Variants in TTC38 observed in about 807,000 individuals in gnomAD.
TTC38 encodes tetratricopeptide repeat domain 38, also known as tetratricopeptide repeat protein 38.
TTC38 carries 64 observed loss-of-function variants against 64.2 expected under a neutral mutation model. That is an observed-to-expected ratio of 1.00 (90% CI 0.81 to 1.23). The LOEUF (loss-of-function observed/expected upper bound fraction) is 1.23, where lower values mean the gene tolerates loss of function less well. Ranked by LOEUF, TTC38 falls within the 50% of genes most tolerant of loss-of-function variation. TTC38 has a pLI of 0.00. For synonymous variants in TTC38, 254 were observed against 249.3 expected (o/e 1.02, Z -0.18); for missense variants, 573 against 615.5 (o/e 0.93, Z 0.73).
intron 2 of TTC38, among the ~76,000 whole-genome samples, chr22:46,269,853 C>T (rs1170311397): frequency 6.6e-5 from 10 of 152,204 alleles, no homozygotes; most frequent in Admixed American, 6.5e-5. Flanking sequence ...AGTGCAATGG[C>T]GCAGTCTTGA....
intron 10 of TTC38, 98 bp downstream of exon 10, chr22:46,287,252 G>T: frequency 9.2e-7 from 1 of 1,081,540 alleles, no homozygotes; most frequent in Non-Finnish European, 1.3e-6. Flanking sequence ...AAGAGCTCAT[G>T]GGTGAGCCGC....
At position 46,289,883 on chromosome 22, in the gene TTC38, C is replaced by T; in HGVS notation, c.1300C>T (p.His434Tyr). Reference sequence around the variant, plus strand: ...GGCCTTAAACTGCACCTCCAGCGTCCATAAGAACGTAGCCCGGTGAGCTCC... The same window carrying T: ...GGCCTTAAACTGCACCTCCAGCGTCTATAAGAACGTAGCCCGGTGAGCTCC... The part of the protein sequence containing the change: ...HAALNCTSSV[H>Y]KNVARSLLME... The change falls in exon 13 of 14, where the codon CAT becomes TAT. Residue 434 changes from histidine to tyrosine, a missense_variant. Physicochemically the swap from His to Tyr is moderately conservative, Grantham distance 83. Transcript: ENST00000381031. 1 of 1,614,180 alleles carries T rather than the reference C, an allele frequency of 6.2e-7. No homozygotes were observed. The highest frequency in any genetic ancestry group is 1.3e-5 in the African/African-American group (1 of 75,050).
chr22:46,268,657 G>A (rs1298970460), intron 2 of TTC38, 66 bp downstream of exon 2: 2 of 1,483,154 alleles, frequency 1.3e-6, no homozygotes, highest in African/African-American at 1.4e-5. Flanking sequence ...TTTAATTGGG[G>A]AAAGCTGTTT....
At chr22:46,287,608 G>A (rs562013147) in intron 10 of TTC38, among the ~76,000 whole-genome samples, 32 of 152,350 alleles carry the variant, frequency 2.1e-4, no homozygotes, top group African/African-American at 7.7e-4. Context: ...ACCAACCACA[G>A]CTCTGGGGGC....
intron 6 of TTC38, chr22:46,280,102 A>G: frequency 2.1e-6 from 1 of 470,976 alleles, no homozygotes; most frequent in South Asian, 1.5e-5. Context: ...CCAGCACCCC[A>G]CAGACAACTA....
Position 46,271,301 on chromosome 22 carries a change from C to T in TTC38, c.112-1034C>T, listed in dbSNP as rs573229373. Among the ~76,000 whole-genome samples the T allele has an allele frequency of 2.2e-4, 34 of 151,958 alleles. 2 individuals are homozygous for T. In the South Asian group the frequency reaches 6.9e-3, roughly 31 times the overall value. On this transcript the variant is annotated intron_variant, in intron 2 of 13. Coordinates refer to ENST00000381031, the MANE Select transcript of TTC38 (RefSeq NM_017931.4). This position sits in a 1 kb window ranked among gnomAD's most constrained non-coding sequence, Gnocchi z 5.5. ...TGTCGCCCAGGCTGGAGTGCAGTGG[C>T]GCCTGGGTTCACGCCATTCTCCTGC...
chr22:46,289,317 C>A, intron 11 of TTC38, 85 bp from the exon 12 acceptor site: 2 of 1,509,126 alleles, frequency 1.3e-6, no homozygotes, highest in South Asian at 1.2e-5. Context: ...GGACCAGGGA[C>A]ACCTCGCTGA....
intron 2 of TTC38, chr22:46,269,088 G>C: frequency 2.7e-6 from 1 of 376,294 alleles, no homozygotes; most frequent in South Asian, 2.1e-5. Context: ...ACATATCTCT[G>C]CCCCCCCCCC....
intron 7 of TTC38, 122 bp from the exon 8 acceptor site, chr22:46,283,851 C>CAAA (rs58477670): frequency 2.0e-3 from 423 of 210,516 alleles, no homozygotes; most frequent in Middle Eastern, 3.5e-3. Context: ...GACTTAGTCT[C>CAAA]AAAAAAAAAA....
In TTC38 at chr22:46,274,001, T is replaced by G. The variant is rs1936953207; in HGVS notation, c.297T>G (p.Ile99Met). Reference sequence around the variant, plus strand: ...TGGCTGTGAAGACAATGGTGGAGATTTCAAGAACCCAGCCGCTGACAAGGC... The same window carrying G: ...TGGCTGTGAAGACAATGGTGGAGATGTCAAGAACCCAGCCGCTGACAAGGC... ...LDLAVKTMVEISRTQPLTRRE... is the reference protein window; with the variant it reads ...LDLAVKTMVEMSRTQPLTRRE... Residue 99 changes from isoleucine to methionine, a missense_variant, in exon 4 of 14, where the codon ATT becomes ATG. Physicochemically the swap from Ile to Met is conservative, Grantham distance 10 (BLOSUM62 1). Coordinates refer to ENST00000381031, the MANE Select transcript of TTC38 (RefSeq NM_017931.4). The surrounding 1 kb of genome is among the most constrained non-coding windows in gnomAD (Gnocchi z 4.8). 6.2e-7 allele frequency: 1 copy of G among 1,614,066 alleles called. No individual in the cohort carries two copies.
chr22:46,290,489 G>A (rs1198881221), intron 13 of TTC38, among the ~76,000 whole-genome samples: 1 of 151,164 alleles, frequency 6.6e-6, no homozygotes, highest in East Asian at 1.9e-4. Flanking sequence ...GTGGCTGGAG[G>A]GTGAGTGTTA....
Position 46,281,820 on chromosome 22 carries a change from C to T in TTC38, c.735+102C>T. 6.6e-7 allele frequency: 1 copy of T among 1,511,946 alleles called. No individual in the cohort carries two copies. The highest frequency in any genetic ancestry group is 9.1e-7 in the Non-Finnish European group (1 of 1,100,474). 93.7% of individuals were successfully genotyped at this position (1,511,946 alleles called of 1,614,324 possible). A position where few individuals can be genotyped will look rare whatever the true frequency, so the allele number is the denominator to read the frequency against. On this transcript the variant is annotated intron_variant, in intron 7 of 13. Transcript: ENST00000381031. This position sits in a 1 kb window ranked among gnomAD's most constrained non-coding sequence, Gnocchi z 5.2. ...AAGAGTTACAGGGCATGGCTTAATT[C>T]TCGGGGTTCCCTCTCCTCCTCCACC...
Position 46,293,168 on chromosome 22 carries a change from T to C in TTC38, c.*284T>C, listed in dbSNP as rs41279833. 16,885 of 405,528 alleles carry C rather than the reference T, an allele frequency of 0.042. 531 individuals are homozygous for C. The highest frequency in any genetic ancestry group is 0.057 in the Non-Finnish European group (12,173 of 215,346). The allele number at this position is 405,528 out of a possible 1,614,324, so 25.1% of individuals were successfully genotyped here. A position where few individuals can be genotyped will look rare whatever the true frequency, so the allele number is the denominator to read the frequency against. On this transcript the variant is annotated 3_prime_UTR_variant, in exon 14 of 14. Coordinates refer to ENST00000381031, the MANE Select transcript of TTC38 (RefSeq NM_017931.4). The surrounding 1 kb of genome is among the most constrained non-coding windows in gnomAD (Gnocchi z 6.6). ...TTGCAAATTCTGTTTCCCAGGGGAA[T>C]GTGTCTACTGCCTGGTGGTTCAAAG... is the stretch of plus-strand genomic sequence containing the variant.
intron 5 of TTC38, among the ~76,000 whole-genome samples, chr22:46,277,391 G>A (rs551212926): frequency 9.9e-4 from 151 of 152,246 alleles, no homozygotes; most frequent in African/African-American, 3.5e-3. Flanking sequence ...GATCACCTGA[G>A]GTCAGGAGTT....
Position 46,272,798 on chromosome 22 carries a change from CT to C in TTC38, c.193+383del, listed in dbSNP as rs1601866688. Among the ~76,000 whole-genome samples, 2 of 152,198 alleles carry C rather than the reference CT, an allele frequency of 1.3e-5. No individual in the cohort carries two copies. Among genetic ancestry groups the C allele is most frequent in the Non-Finnish European group, 2.9e-5 (2 of 68,040 alleles). On this transcript the variant is annotated intron_variant, in intron 3 of 13. Coordinates refer to ENST00000381031, the MANE Select transcript of TTC38 (RefSeq NM_017931.4). The surrounding 1 kb of genome is among the most constrained non-coding windows in gnomAD (Gnocchi z 6.4). ...CTTCCTGAATCCAAGGCCCAGACCC[CT>C]GGAACATGAGAGGTGGCTGCTGCAG...
In TTC38 at chr22:46,282,636, G is replaced by A. The variant is rs933522265; in HGVS notation, c.735+918G>A. ...GGAGGATCCTCGGGCCTCCAGATTC[G>A]GCTCTGTCAAGGGGGCAGTGGTCAG... is the stretch of plus-strand genomic sequence containing the variant. On this transcript the variant is annotated intron_variant, in intron 7 of 13. Coordinates refer to ENST00000381031, the MANE Select transcript of TTC38 (RefSeq NM_017931.4). The surrounding 1 kb of genome is among the most constrained non-coding windows in gnomAD (Gnocchi z 4.4). 1.3e-5 allele frequency among the ~76,000 whole-genome samples: 2 copies of A among 152,174 alleles called. No individual in the cohort carries two copies. Among genetic ancestry groups the A allele is most frequent in the African/African-American group, 4.8e-5 (2 of 41,446 alleles).
In TTC38 at chr22:46,285,237, C is replaced by T; in HGVS notation, c.796-4C>T. ...GTTTAATAAGGAGAACTTTATTCTT[C>T]CAGGGCGAATATGAGGCCGCGCTGA... is the stretch of plus-strand genomic sequence containing the variant. On this transcript the variant is annotated splice_region_variant and splice_polypyrimidine_tract_variant and intron_variant, in intron 8 of 13. Coordinates refer to ENST00000381031, the MANE Select transcript of TTC38 (RefSeq NM_017931.4). The T allele has an allele frequency of 6.2e-7, 1 of 1,614,068 alleles. No homozygotes were observed. Among genetic ancestry groups the T allele is most frequent in the Non-Finnish European group, 8.5e-7 (1 of 1,179,920 alleles).
At position 46,292,954 on chromosome 22, in the gene TTC38, C is replaced by T. The variant is rs573950872; in HGVS notation, c.*70C>T. ...CACTGCGTCCAGTCAGCTGCTCCAC[C>T]GGGTTAGGGTCAGGAGACGGCCAGA... On this transcript the variant is annotated 3_prime_UTR_variant, in exon 14 of 14. Transcript: ENST00000381031. The surrounding 1 kb of genome is among the most constrained non-coding windows in gnomAD (Gnocchi z 6.5). The T allele has an allele frequency of 9.4e-6, 12 of 1,276,968 alleles. No homozygotes were observed. Among genetic ancestry groups the T allele is most frequent in the African/African-American group, 2.9e-5 (2 of 68,462 alleles). The allele number at this position is 1,276,968 out of a possible 1,614,324, so 79.1% of individuals were successfully genotyped here. A position where few individuals can be genotyped will look rare whatever the true frequency, so the allele number is the denominator to read the frequency against.
chr22:46,283,714 T>G (rs1000337691), intron 7 of TTC38, among the ~76,000 whole-genome samples: 18 of 151,920 alleles, frequency 1.2e-4, no homozygotes. Flanking sequence ...TAGCCGGGTG[T>G]GGTGGTGCAC....
Sources: allele counts gnomAD v4.1 joint callset (sites outside exome capture counted in the v4.1 genomes callset), GRCh38; gene constraint gnomAD v4.1.1; non-coding constraint Gnocchi (gnomAD v3.1); transcripts MANE v1.5; gene names NCBI Gene and HGNC (gene_info 2026-07-23, HGNC 2026-07-21).